The following MKLN1 variants were observed in gnomAD, a reference collection of about 807,000 sequenced individuals.
MKLN1 encodes muskelin.
In MKLN1, 18 loss-of-function variants were observed where a neutral mutation model predicts 99.0. The ratio of observed to expected loss-of-function variants is 0.18; its 90% CI spans 0.13 to 0.27. MKLN1 has a LOEUF of 0.27. MKLN1 is among the 10% of genes least tolerant of loss of function. The probability of loss-of-function intolerance (pLI) is 1.00; values close to 1 mark genes in which losing one functional copy is unlikely to be tolerated. For missense variants in MKLN1, 621 were observed against 875.9 expected, an observed-to-expected ratio of 0.71 and a Z score of 3.67; for synonymous variants, 288 against 293.2, an observed-to-expected ratio of 0.98 and a Z score of 0.18.
chr7:131,473,468 C>G (rs1796884359), intron 16 of MKLN1, among the ~76,000 whole-genome samples: 1 of 151,936 alleles, frequency 6.6e-6, no homozygotes, highest in Admixed American at 6.6e-5. Flanking sequence ...TTGGCTTCCT[C>G]CAGTCTTCAG....
intron 3 of MKLN1, among the ~76,000 whole-genome samples, chr7:131,293,660 G>T (rs1276461622): frequency 6.6e-6 from 1 of 152,098 alleles, no homozygotes; most frequent in Non-Finnish European, 1.5e-5. Flanking sequence ...TAAAAAATTA[G>T]CTGGGTGTAG....
intron 1 of MKLN1, among the ~76,000 whole-genome samples, chr7:131,361,923 C>T (rs1284771558): frequency 6.6e-6 from 1 of 151,806 alleles, no homozygotes; most frequent in Non-Finnish European, 1.5e-5. Context: ...TTTCATGTAA[C>T]CAGATTTTAT....
At chr7:131,297,323 T>C (rs1206643541) in intron 3 of MKLN1, among the ~76,000 whole-genome samples, 1 of 152,046 alleles carries the variant, frequency 6.6e-6, no homozygotes, top group African/African-American at 2.4e-5. Context: ...ATAGCGCCAC[T>C]GCACTCCAGT....
chr7:131,114,685 C>A (rs540257295), intron 1 of MKLN1, among the ~76,000 whole-genome samples: 1 of 152,212 alleles, frequency 6.6e-6, no homozygotes, highest in East Asian at 1.9e-4. Flanking sequence ...GTGGCTCACA[C>A]CTGTAATCCC....
intron 1 of MKLN1, among the ~76,000 whole-genome samples, chr7:131,359,653 T>C (rs1004536530): frequency 1.3e-5 from 2 of 152,188 alleles, no homozygotes; most frequent in Non-Finnish European, 2.9e-5. Flanking sequence ...TGACACGCTT[T>C]TGTTTGGTAC....
chr7:131,277,596 T>C (rs548414782), intron 3 of MKLN1, among the ~76,000 whole-genome samples: 4 of 152,190 alleles, frequency 2.6e-5, no homozygotes, highest in Admixed American at 6.5e-5. Context: ...TTTGTATTTT[T>C]AGTAGAGACA....
chr7:131,463,443 T>C, intron 13 of MKLN1, 79 bp downstream of exon 13: 1 of 1,400,198 alleles, frequency 7.1e-7, no homozygotes, highest in Non-Finnish European at 9.9e-7. Context: ...AAGAGAGAAA[T>C]GAGAGTATTA....
At chr7:131,407,505 A>G (rs1160976857) in intron 6 of MKLN1, among the ~76,000 whole-genome samples, 3 of 151,604 alleles carry the variant, frequency 2.0e-5, no homozygotes, top group South Asian at 2.1e-4. Context: ...AATGTGGTGA[A>G]TTTTTCCTAT....
intron 3 of MKLN1, among the ~76,000 whole-genome samples, chr7:131,274,009 CCACCCA>C (rs1797925060): frequency 1.3e-5 from 2 of 152,076 alleles, no homozygotes; most frequent in African/African-American, 2.4e-5. Context: ...ACTCCATGTA[CCACCCA>C]AGACAATAGA....
intron 2 of MKLN1, among the ~76,000 whole-genome samples, chr7:131,164,859 T>C (rs1476518583): frequency 6.6e-6 from 1 of 152,228 alleles, no homozygotes; most frequent in East Asian, 1.9e-4. Flanking sequence ...CCCTGGAGAA[T>C]TCAAGTCCAC....
At chr7:131,254,169 G>A (rs968234906) in intron 3 of MKLN1, among the ~76,000 whole-genome samples, 1 of 152,160 alleles carries the variant, frequency 6.6e-6, no homozygotes, top group African/African-American at 2.4e-5. Flanking sequence ...TTGCCATCCC[G>A]AGGGGGCTGT....
chr7:131,312,272 C>T (rs1269710328), intron 3 of MKLN1, among the ~76,000 whole-genome samples: 1 of 152,144 alleles, frequency 6.6e-6, no homozygotes, highest in Admixed American at 6.6e-5. Context: ...ATCTGCCCAC[C>T]TCACCCTTCC....
intron 8 of MKLN1, among the ~76,000 whole-genome samples, chr7:131,415,316 A>C (rs1192263722): frequency 6.6e-6 from 1 of 152,112 alleles, no homozygotes; most frequent in South Asian, 2.1e-4. Context: ...TGGATTTTAG[A>C]AAACTTTACT....
In MKLN1 at chr7:131,493,770, G is replaced by C. The variant is rs1797482611; in HGVS notation, c.*6042G>C. 1 of 152,156 alleles carries C rather than the reference G, an allele frequency of 6.6e-6. No individual in the cohort carries two copies. 9.4% of individuals were successfully genotyped at this position (152,156 alleles called of 1,614,324 possible). A position where few individuals can be genotyped will look rare whatever the true frequency, so the allele number is the denominator to read the frequency against. On this transcript the variant is annotated 3_prime_UTR_variant, in exon 18 of 18. Transcript: ENST00000352689. ...TAAGCTCTTGCTGCAACATAGCTCT[G>C]TACCATCTGGGATGCTAGCAGTCAC...
intron 1 of MKLN1, among the ~76,000 whole-genome samples, chr7:131,339,171 T>C (rs1799332936): frequency 6.6e-6 from 1 of 152,208 alleles, no homozygotes; most frequent in Admixed American, 6.5e-5. Flanking sequence ...TCAAAAGTCA[T>C]ACATGGCTTT....
chr7:131,283,846 A>G (rs1349583295), intron 3 of MKLN1, among the ~76,000 whole-genome samples: 2 of 152,230 alleles, frequency 1.3e-5, no homozygotes, highest in Non-Finnish European at 1.5e-5. Flanking sequence ...CAAGTTTTGC[A>G]TGTTTAAACC....
intron 1 of MKLN1, among the ~76,000 whole-genome samples, chr7:131,338,511 G>C (rs2116716713): frequency 6.6e-6 from 1 of 152,334 alleles, no homozygotes; most frequent in Admixed American, 6.5e-5. Context: ...AGCTACCTCA[G>C]AAAGTCTGAT....
intron 13 of MKLN1, 150 bp downstream of exon 13, chr7:131,463,514 C>G: frequency 1.3e-6 from 1 of 765,974 alleles, no homozygotes; most frequent in Non-Finnish European, 2.1e-6. Flanking sequence ...ATATCGGTAC[C>G]TATGTATACA....
In MKLN1 at chr7:131,288,988, T is replaced by A. The variant is rs553939481; in HGVS notation, c.-179+86014T>A. 1.2e-4 allele frequency among the ~76,000 whole-genome samples: 19 copies of A among 152,140 alleles called. No individual in the cohort carries two copies. In the East Asian group the frequency reaches 3.5e-3, roughly 28 times the overall value. ...CAGAGCCTTCTTTTAAAAAAAAAAA[T>A]TATTTTTTTAAAGTAGAAGTAAATG... On this transcript the variant is annotated intron_variant, in intron 3 of 7. Transcript: ENST00000416992.
Sources: gnomAD v4.1 joint callset for allele counts (sites outside exome capture counted in the v4.1 genomes callset) on GRCh38, gnomAD v4.1.1 for gene constraint, MANE v1.5 for transcripts, NCBI Gene and HGNC (gene_info 2026-07-23, HGNC 2026-07-21) for gene names.